NDRG3: variants seen among roughly 807,000 people sequenced by gnomAD.
NDRG3 encodes NDRG family member 3, also known as protein NDRG3.
NDRG3 carries 23 observed loss-of-function variants against 57.2 expected under a neutral mutation model. The observed-to-expected ratio is 0.40, with a 90% CI of 0.29 to 0.57. NDRG3 has a LOEUF of 0.57. NDRG3 is among the 20% of genes least tolerant of loss of function. NDRG3 has a pLI of 0.42. For synonymous variants in NDRG3, 132 were observed against 162.6 expected (o/e 0.81, Z 1.43); for missense variants, 384 against 457.3 (o/e 0.84, Z 1.46).
intron 3 of NDRG3, among the ~76,000 whole-genome samples, chr20:36,696,779 C>A (rs1353645553): frequency 6.6e-6 from 1 of 152,236 alleles, no homozygotes; most frequent in Non-Finnish European, 1.5e-5. Flanking sequence ...GCGTGAGCCA[C>A]CACGCCCGGC....
chr20:36,683,486 C>T (rs1291516142), intron 6 of NDRG3, among the ~76,000 whole-genome samples: 1 of 151,502 alleles, frequency 6.6e-6, no homozygotes, highest in Non-Finnish European at 1.5e-5. Flanking sequence ...GCATGGTGGC[C>T]TGTGCCTGTA....
chr20:36,732,307 T>C (rs766245677), intron 1 of NDRG3, among the ~76,000 whole-genome samples: 4 of 152,188 alleles, frequency 2.6e-5, no homozygotes, highest in Non-Finnish European at 4.4e-5. Flanking sequence ...GTAGAGGCTT[T>C]GGTTGAAGTG....
Position 36,653,447 on chromosome 20 carries a change from T to C in NDRG3, c.*73A>G, listed in dbSNP as rs1978378408. ...TTAAAGATAGTAGAGGCCAGTTTAC[T>C]GGATGAAATGTTATATTATGGAGTG... On this transcript the variant is annotated 3_prime_UTR_variant, in exon 16 of 16. Transcript: ENST00000349004. This position sits in a 1 kb window ranked among gnomAD's most constrained non-coding sequence, Gnocchi z 4.2. 2.2e-6 allele frequency: 3 copies of C among 1,380,716 alleles called. No homozygotes were observed. The highest frequency in any genetic ancestry group is 3.0e-6 in the Non-Finnish European group (3 of 1,000,216). The allele number at this position is 1,380,716 out of a possible 1,614,324, so 85.5% of individuals were successfully genotyped here.
chr20:36,722,644 AGAG>A (rs546600115), intron 1 of NDRG3, among the ~76,000 whole-genome samples: 194 of 152,306 alleles, frequency 1.3e-3, no homozygotes, highest in Admixed American at 2.9e-3. Context: ...TGGGAATGAA[AGAG>A]GAGGGAACCA....
chr20:36,679,068 A>G (rs1185826753), intron 8 of NDRG3, among the ~76,000 whole-genome samples: 2 of 152,192 alleles, frequency 1.3e-5, no homozygotes, highest in African/African-American at 4.8e-5. Flanking sequence ...CTCCTGCCTC[A>G]GCCTCCTGAG....
chr20:36,745,026 T>G (rs1986120321), intron 1 of NDRG3, among the ~76,000 whole-genome samples: 1 of 151,360 alleles, frequency 6.6e-6, no homozygotes, highest in Non-Finnish European at 1.5e-5. Flanking sequence ...ATCACTCTTG[T>G]TCTGTCAGTA....
At chr20:36,733,160 AAAAAAAAAAAAATATATATAT>A (rs1249554660) in intron 1 of NDRG3, among the ~76,000 whole-genome samples, 3 of 54,708 alleles carry the variant, frequency 5.5e-5, no homozygotes, top group Admixed American at 3.8e-4. Context: ...AAAAAAAAAA[AAAAAAAAAAAAATATATATAT>A]ATATATATAT....
At chr20:36,693,133 TATATATATAC>T (rs1165875226) in intron 3 of NDRG3, among the ~76,000 whole-genome samples, 1,560 of 68,122 alleles carry the variant, frequency 0.023, 116 homozygotes, top group Admixed American at 0.03. Flanking sequence ...TATATATATA[TATATATATAC>T]ACACACACAC....
At chr20:36,654,656 G>A in intron 15 of NDRG3, 3 of 646,018 alleles carry the variant, frequency 4.6e-6, no homozygotes, top group Non-Finnish European at 8.7e-6. Flanking sequence ...ACCAGGGCTG[G>A]ACCTGTAGGC....
chr20:36,719,648 C>G (rs1188088937), intron 2 of NDRG3, among the ~76,000 whole-genome samples: 1 of 151,942 alleles, frequency 6.6e-6, no homozygotes. Context: ...AACAGATCAT[C>G]CCCTGGTGTC....
chr20:36,693,825 T>C (rs1055072992), intron 3 of NDRG3, among the ~76,000 whole-genome samples: 2 of 151,704 alleles, frequency 1.3e-5, no homozygotes, highest in East Asian at 3.9e-4. Flanking sequence ...AGATTCTACA[T>C]TATGGTGAGT....
At chr20:36,717,103 G>A (rs1314827792) in intron 2 of NDRG3, among the ~76,000 whole-genome samples, 4 of 152,020 alleles carry the variant, frequency 2.6e-5, no homozygotes, top group African/African-American at 7.2e-5. Flanking sequence ...TTTCTGTCCC[G>A]CAAAACAAAG....
chr20:36,700,427 G>A (rs1303947647), intron 3 of NDRG3: 1 of 526,166 alleles, frequency 1.9e-6, no homozygotes, highest in South Asian at 1.4e-5. Context: ...AAGAAAGGAA[G>A]CACTCACCTC....
chr20:36,703,422 CTAT>C (rs1983365328), intron 3 of NDRG3, among the ~76,000 whole-genome samples: 1 of 15,824 alleles, frequency 6.3e-5, no homozygotes, highest in African/African-American at 3.6e-4. Flanking sequence ...ATGTAATATC[CTAT>C]CTATCTATCT....
chr20:36,731,874 C>A (rs901165004), intron 1 of NDRG3, among the ~76,000 whole-genome samples: 1 of 151,734 alleles, frequency 6.6e-6, no homozygotes, highest in Non-Finnish European at 1.5e-5. Context: ...AATCCATAAT[C>A]CCAGCACTTT....
chr20:36,730,452 C>T (rs1985214200), intron 1 of NDRG3, among the ~76,000 whole-genome samples: 1 of 151,792 alleles, frequency 6.6e-6, no homozygotes, highest in Non-Finnish European at 1.5e-5. Context: ...ACAGGTCTTA[C>T]TATGTTGCCC....
intron 2 of NDRG3, among the ~76,000 whole-genome samples, chr20:36,715,689 C>T (rs1439608631): frequency 6.8e-6 from 1 of 147,542 alleles, no homozygotes. Context: ...ATGGTGGGCA[C>T]ACCTGTGGTC....
chr20:36,699,384 TA>T (rs1983056264), intron 3 of NDRG3, among the ~76,000 whole-genome samples: 1 of 152,014 alleles, frequency 6.6e-6, no homozygotes, highest in Non-Finnish European at 1.5e-5. Flanking sequence ...TTGAGAGATA[TA>T]AAGAATAAAG....
At chr20:36,714,117 G>A (rs1600942867) in intron 2 of NDRG3, among the ~76,000 whole-genome samples, 1 of 151,976 alleles carries the variant, frequency 6.6e-6, no homozygotes, top group South Asian at 2.1e-4. Context: ...AGGGCCGTGC[G>A]CGGTGGCTCA....
Sources: allele counts gnomAD v4.1 joint callset (sites outside exome capture counted in the v4.1 genomes callset), GRCh38; gene constraint gnomAD v4.1.1; non-coding constraint Gnocchi (gnomAD v3.1); transcripts MANE v1.5; gene names NCBI Gene and HGNC (gene_info 2026-07-23, HGNC 2026-07-21).